The following MCM10 variants were observed in gnomAD, a reference collection of about 807,000 sequenced individuals.
MCM10 encodes minichromosome maintenance 10 replication initiation factor, also known as protein MCM10 homolog.
Under a neutral mutation model 109.9 loss-of-function variants are expected in MCM10, and 91 were observed. The ratio of observed to expected loss-of-function variants is 0.83; its 90% CI spans 0.70 to 0.99. The LOEUF is 0.99. Among genes scored for constraint, MCM10 ranks in the 50% least tolerant of loss-of-function variants. The pLI is 0.00. For missense variants in MCM10, 1,077 were observed against 1,061.2 expected (o/e 1.01, Z -0.21); for synonymous variants, 380 against 387.2 (o/e 0.98, Z 0.22).
chr10:13,203,320 G>A (rs1014006501), intron 17 of MCM10, among the ~76,000 whole-genome samples: 1 of 152,078 alleles, frequency 6.6e-6, no homozygotes, highest in Non-Finnish European at 1.5e-5. Flanking sequence ...TGCAGCCAGC[G>A]GCAGCAGGTT....
intron 2 of MCM10, among the ~76,000 whole-genome samples, chr10:13,168,415 G>T (rs1482047085): frequency 6.6e-6 from 1 of 152,040 alleles, no homozygotes; most frequent in East Asian, 1.9e-4. Flanking sequence ...ATATTGGTTT[G>T]CTGATCTAGA....
At chr10:13,180,748 G>C in intron 7 of MCM10, 141 bp downstream of exon 7, 2 of 969,486 alleles carry the variant, frequency 2.1e-6, no homozygotes, top group East Asian at 4.9e-5. Context: ...ACACATCATT[G>C]AGTTGGTATC....
chr10:13,195,134 C>T lies in MCM10; in HGVS notation c.1839C>T (p.Phe613=), dbSNP rs1317676596. 6.2e-7 allele frequency: 1 copy of T among 1,614,118 alleles called. No individual in the cohort carries two copies. The highest frequency in any genetic ancestry group is 8.5e-7 in the Non-Finnish European group (1 of 1,180,012). Residue 613 remains phenylalanine (F), a synonymous_variant, in exon 14 of 20, where the codon TTC becomes TTT. Coordinates refer to ENST00000378714, the MANE Select transcript of MCM10 (RefSeq NM_018518.5). Reference sequence around the variant, plus strand: ...AGCCTCCACGGACAGGATCCGAGTTCCCCAGGCTGGAGGGAGCCCCGGCCA... The same window carrying T: ...AGCCTCCACGGACAGGATCCGAGTTTCCCAGGCTGGAGGGAGCCCCGGCCA... ...PAQPPRTGSE[F]PRLEGAPATM... is the part of the protein sequence containing the mutation.
rs1286918311 is a variant in MCM10 at position 13,186,632 on chromosome 10, G to C, written c.1215+352G>C. On this transcript the variant is annotated intron_variant, in intron 9 of 19. Coordinates refer to ENST00000378714, the MANE Select transcript of MCM10 (RefSeq NM_018518.5). Reference sequence around the variant, plus strand: ...TTAACTCCATTATACCTTTTCTTAGGGCTTTTTAAAAAATAATAGCTTCAT... The same window carrying C: ...TTAACTCCATTATACCTTTTCTTAGCGCTTTTTAAAAAATAATAGCTTCAT... 1.3e-5 allele frequency among the ~76,000 whole-genome samples: 2 copies of C among 151,872 alleles called. 1 individual carries two copies. The highest frequency in any genetic ancestry group is 2.9e-5 in the Non-Finnish European group (2 of 68,010).
chr10:13,190,685 CA>C lies in MCM10; in HGVS notation c.1416-604del, dbSNP rs564189384. On this transcript the variant is annotated intron_variant, in intron 10 of 19. Coordinates refer to ENST00000378714, the MANE Select transcript of MCM10 (RefSeq NM_018518.5). The stretch of plus-strand genomic sequence containing the variant: ...TGGACAACAGAGTGAGATCTTGTCT[CA>C]AAAAAAAAACCCCAAACTGTTAGTT... Among the ~76,000 whole-genome samples the C allele has an allele frequency of 5.7e-4, 84 of 146,394 alleles. 1 individual carries two copies. The highest frequency in any genetic ancestry group is 1.1e-3 in the Non-Finnish European group (71 of 66,294).
intron 18 of MCM10, among the ~76,000 whole-genome samples, chr10:13,204,995 TATGTATG>T (rs1834554649): frequency 3.3e-4 from 1 of 3,020 alleles, no homozygotes; most frequent in African/African-American, 6.6e-4. Flanking sequence ...TGTATGTATG[TATGTATG>T]TATATATATA....
intron 6 of MCM10, 132 bp from the exon 7 acceptor site, chr10:13,180,310 C>A: frequency 1.7e-6 from 1 of 589,482 alleles, no homozygotes; most frequent in Non-Finnish European, 2.8e-6. Flanking sequence ...CTTGGTCATA[C>A]TATATAACTA....
intron 1 of MCM10, among the ~76,000 whole-genome samples, chr10:13,161,976 C>T (rs975227987): frequency 6.6e-6 from 1 of 152,174 alleles, no homozygotes; most frequent in Admixed American, 6.5e-5. Flanking sequence ...GTGCATGGCT[C>T]GGATCACATT....
chr10:13,185,197 C>A (rs1043616653), intron 8 of MCM10, among the ~76,000 whole-genome samples: 1 of 152,058 alleles, frequency 6.6e-6, no homozygotes. Context: ...GCTCTCTTCA[C>A]CCTGCAGCGG....
Position 13,209,512 on chromosome 10 carries a change from C to G in MCM10, c.*202C>G, listed in dbSNP as rs1204176931. The G allele has an allele frequency of 1.7e-6, 1 of 591,516 alleles. No homozygotes were observed. The highest frequency in any genetic ancestry group is 1.9e-5 in the African/African-American group (1 of 53,678). The allele number at this position is 591,516 out of a possible 1,614,324, so 36.6% of individuals were successfully genotyped here. On this transcript the variant is annotated 3_prime_UTR_variant, in exon 20 of 20. Transcript: ENST00000378714. ...TAACATTGACATTTAAGTGGAAAAC[C>G]AAGTTATCATTGTCTTTTCTAAGCT...
chr10:13,172,312 AT>A lies in MCM10; in HGVS notation c.350-59del. ...AGTGGACAACAAAAATATTGCCCGC[AT>A]TTTTGTCATGTAGAACGTTTTCTCC... On this transcript the variant is annotated intron_variant, in intron 3 of 19. Transcript: ENST00000378714. This position sits in a 1 kb window ranked among gnomAD's most constrained non-coding sequence, Gnocchi z 5.2. 1 of 1,281,098 alleles carries A rather than the reference AT, an allele frequency of 7.8e-7. No homozygotes were observed. 79.4% of individuals were successfully genotyped at this position (1,281,098 alleles called of 1,614,324 possible).
intron 6 of MCM10, among the ~76,000 whole-genome samples, chr10:13,176,870 G>A (rs977824953): frequency 3.3e-5 from 5 of 152,168 alleles, no homozygotes; most frequent in Admixed American, 1.3e-4. Flanking sequence ...CTCCAGCCTG[G>A]GCAACAGAAC....
intron 7 of MCM10, 135 bp downstream of exon 7, chr10:13,180,742 A>G (rs1834200005): frequency 3.1e-6 from 3 of 973,382 alleles, no homozygotes; most frequent in Admixed American, 2.2e-5. Context: ...ATCACCACAC[A>G]TCATTGAGTT....
intron 8 of MCM10, among the ~76,000 whole-genome samples, chr10:13,185,775 C>T (rs1197852188): frequency 6.6e-6 from 1 of 152,094 alleles, no homozygotes; most frequent in African/African-American, 2.4e-5. Context: ...AACCTCTCTC[C>T]TTTTTGAGAC....
intron 10 of MCM10, among the ~76,000 whole-genome samples, chr10:13,190,071 G>T (rs1402935908): frequency 6.6e-6 from 1 of 152,200 alleles, no homozygotes; most frequent in African/African-American, 2.4e-5. Flanking sequence ...CATGTGGCCC[G>T]CAGGCTATGG....
At chr10:13,197,464 A>G (rs367639861) in intron 14 of MCM10, among the ~76,000 whole-genome samples, 159 bp from the exon 15 acceptor site, 1 of 152,198 alleles carries the variant, frequency 6.6e-6, no homozygotes, top group East Asian at 1.9e-4. Context: ...TATTCTAGTA[A>G]TTGTGTTAAT....
intron 8 of MCM10, among the ~76,000 whole-genome samples, chr10:13,184,283 G>A (rs542124213): frequency 5.3e-5 from 8 of 152,238 alleles, no homozygotes; most frequent in East Asian, 1.9e-4. Flanking sequence ...GTGAGCCACC[G>A]TGCCCAGCAT....
rs747448517 is a variant in MCM10, at chr10:13,172,641, G to T, written c.468G>T (p.Arg156=). The part of the protein sequence containing the change: ...RLQKSPEKSP[R]PPLKERRVQR... ...TTGATTAAGTAGAGAAGTCTCCCCG[G>T]CCACCTCTTAAGGAGAGGAGAGTTC... The change falls in exon 5 of 20, where the codon CGG becomes CGT. Residue 156 remains arginine (R), a synonymous_variant. Coordinates refer to ENST00000378714, the MANE Select transcript of MCM10 (RefSeq NM_018518.5). The surrounding 1 kb of genome is among the most constrained non-coding windows in gnomAD (Gnocchi z 5.2). 1.2e-6 allele frequency: 2 copies of T among 1,614,056 alleles called. No individual in the cohort carries two copies. Among genetic ancestry groups the T allele is most frequent in the South Asian group, 2.2e-5 (2 of 91,060 alleles).
chr10:13,198,740 A>G lies in MCM10; in HGVS notation c.2171A>G (p.Tyr724Cys). 2 of 1,614,088 alleles carry G rather than the reference A, an allele frequency of 1.2e-6. No individual in the cohort carries two copies. The highest frequency in any genetic ancestry group is 1.7e-6 in the Non-Finnish European group (2 of 1,180,022). The change falls in exon 16 of 20, where the codon TAT becomes TGT. Residue 724 changes from tyrosine (Y) to cysteine (C), a missense_variant. Transcript: ENST00000378714. ...ARKKRREQLAYLESEEFQKIL... is the reference protein window; with the variant it reads ...ARKKRREQLACLESEEFQKIL... Reference sequence around the variant, plus strand: ...AAAAAAAGGAGAGAACAACTTGCCTATCTGGAATCTGAGGAATTTCAGAAA... The same window carrying G: ...AAAAAAAGGAGAGAACAACTTGCCTGTCTGGAATCTGAGGAATTTCAGAAA...
Sources: gnomAD v4.1 joint callset for allele counts (sites outside exome capture counted in the v4.1 genomes callset) on GRCh38, gnomAD v4.1.1 for gene constraint, Gnocchi (gnomAD v3.1) non-coding constraint, MANE v1.5 for transcripts, NCBI Gene and HGNC (gene_info 2026-07-23, HGNC 2026-07-21) for gene names.